The following ELAVL4 variants were observed in gnomAD, a reference collection of about 807,000 sequenced individuals.
The protein encoded by ELAVL4 is ELAV-like protein 4.
Under a neutral mutation model 35.6 loss-of-function variants are expected in ELAVL4, and 1 was observed. That is an observed-to-expected ratio of 0.03 (90% CI 0.01 to 0.13). The LOEUF is 0.13. Ranked by LOEUF, ELAVL4 falls within the 10% of genes least tolerant of loss-of-function variation. The pLI, the probability that ELAVL4 is intolerant of heterozygous loss-of-function variation, is 1.00. For synonymous variants in ELAVL4, 156 were observed against 171.0 expected (o/e 0.91, Z 0.69); for missense variants, 267 against 464.9 (o/e 0.57, Z 3.91).
At chr1:50,097,320 T>A (rs1370130968) in intron 1 of ELAVL4, among the ~76,000 whole-genome samples, 4 of 152,304 alleles carry the variant, frequency 2.6e-5, no homozygotes, top group Non-Finnish European at 5.9e-5. Context: ...AAAATCTTCT[T>A]CAAAAGCTTA....
intron 2 of ELAVL4, among the ~76,000 whole-genome samples, chr1:50,153,794 A>C (rs1420217138): frequency 6.6e-6 from 1 of 152,200 alleles, no homozygotes; most frequent in Non-Finnish European, 1.5e-5. Context: ...ATTAAGGTTA[A>C]ATGAGGCCAT....
chr1:50,116,079 CT>C (rs1462316335), intron 1 of ELAVL4, among the ~76,000 whole-genome samples: 4 of 152,064 alleles, frequency 2.6e-5, no homozygotes, highest in Non-Finnish European at 4.4e-5. Flanking sequence ...AATAAGAGAT[CT>C]TTTGGACATT....
intron 2 of ELAVL4, among the ~76,000 whole-genome samples, chr1:50,163,938 A>G (rs922031876): frequency 6.6e-6 from 1 of 152,214 alleles, no homozygotes; most frequent in African/African-American, 2.4e-5. Context: ...ACCAGGGCAC[A>G]GCAGAAAGTA....
chr1:50,113,403 C>A (rs1667413711), intron 1 of ELAVL4, among the ~76,000 whole-genome samples: 1 of 151,980 alleles, frequency 6.6e-6, no homozygotes, highest in African/African-American at 2.4e-5. Context: ...TCTGTATGTA[C>A]CTCAAGTAAG....
chr1:50,151,514 A>G (rs1191663009), intron 2 of ELAVL4, among the ~76,000 whole-genome samples: 1 of 152,176 alleles, frequency 6.6e-6, no homozygotes. Flanking sequence ...GCTGCCTACA[A>G]TTTAAGCATA....
intron 1 of ELAVL4, among the ~76,000 whole-genome samples, chr1:50,060,478 A>T (rs1663902467): frequency 6.6e-6 from 1 of 152,210 alleles, no homozygotes; most frequent in Admixed American, 6.5e-5. Context: ...CAGCTAAGTC[A>T]TAGAGAACTG....
At chr1:50,194,277 T>C (rs1320993116) in intron 4 of ELAVL4, among the ~76,000 whole-genome samples, 1 of 152,222 alleles carries the variant, frequency 6.6e-6, no homozygotes, top group Admixed American at 6.5e-5. Context: ...TATGCATAGC[T>C]GTAACTCCAA....
intron 1 of ELAVL4, among the ~76,000 whole-genome samples, chr1:50,124,654 A>G (rs1669586229): frequency 6.6e-6 from 1 of 152,034 alleles, no homozygotes; most frequent in Admixed American, 6.6e-5. Flanking sequence ...ATAGGGTCTC[A>G]CTCTGTCACC....
At chr1:50,178,488 G>A (rs1301693821) in intron 3 of ELAVL4, among the ~76,000 whole-genome samples, 3 of 152,188 alleles carry the variant, frequency 2.0e-5, no homozygotes, top group African/African-American at 7.2e-5. Flanking sequence ...CTTTACTTTT[G>A]CAATTGAGTT....
intron 2 of ELAVL4, among the ~76,000 whole-genome samples, chr1:50,164,986 CG>C (rs1343962400): frequency 6.6e-6 from 1 of 152,060 alleles, no homozygotes; most frequent in Non-Finnish European, 1.5e-5. Flanking sequence ...CCCAGTCTAG[CG>C]GGGAACAGAG....
rs1221981746 is a variant in ELAVL4, at chr1:50,178,540, A to G, written c.354+1348A>G. On this transcript the variant is annotated intron_variant, in intron 3 of 6. Transcript: ENST00000371824. ...ATGATTGCTTTCCCTGATCTCATAC[A>G]GCCTGATACACAAAGATCCCAAAAT... 3.9e-5 allele frequency among the ~76,000 whole-genome samples: 6 copies of G among 152,232 alleles called. No homozygotes were observed. The East Asian group carries it at 1.2e-3, about 29-fold the overall frequency.
At chr1:50,122,522 A>G (rs1669205747) in intron 1 of ELAVL4, among the ~76,000 whole-genome samples, 1 of 152,152 alleles carries the variant, frequency 6.6e-6, no homozygotes, top group South Asian at 2.1e-4. Flanking sequence ...TTAGCTGTAT[A>G]TGCCTAGTGG....
chr1:50,200,395 G>A (rs1476245236), intron 6 of ELAVL4, among the ~76,000 whole-genome samples: 1 of 151,890 alleles, frequency 6.6e-6, no homozygotes, highest in East Asian at 1.9e-4. Flanking sequence ...TTTTCTATGT[G>A]TCACTATATC....
chr1:50,164,343 C>T (rs953516598), intron 2 of ELAVL4, among the ~76,000 whole-genome samples: 4 of 152,280 alleles, frequency 2.6e-5, no homozygotes, highest in Non-Finnish European at 4.4e-5. Flanking sequence ...CTCGCTACCT[C>T]ACAAGGCAGC....
At chr1:50,200,806 C>A in intron 6 of ELAVL4, 45 bp from the exon 7 acceptor site, 2 of 1,591,988 alleles carry the variant, frequency 1.3e-6, no homozygotes, top group South Asian at 2.3e-5. Context: ...TATCCTTGGT[C>A]AGACTGATGT....
At chr1:50,196,760 C>G (rs1005862224) in intron 5 of ELAVL4, among the ~76,000 whole-genome samples, 1 of 152,150 alleles carries the variant, frequency 6.6e-6, no homozygotes, top group Non-Finnish European at 1.5e-5. Flanking sequence ...ATGTAAAAAG[C>G]CTCTCCAGCA....
chr1:50,130,223 T>C, intron 1 of ELAVL4, among the ~76,000 whole-genome samples: 1 of 152,190 alleles, frequency 6.6e-6, no homozygotes, highest in East Asian at 1.9e-4. Context: ...TTACATTCTC[T>C]AAGATTACTA....
intron 1 of ELAVL4, among the ~76,000 whole-genome samples, chr1:50,064,917 G>T (rs1664186531): frequency 2.0e-5 from 3 of 152,122 alleles, no homozygotes; most frequent in South Asian, 2.1e-4. Context: ...GGGAATATGG[G>T]TTTAACTGCT....
At chr1:50,198,404 G>A (rs1572636956) in intron 6 of ELAVL4, among the ~76,000 whole-genome samples, 1 of 152,160 alleles carries the variant, frequency 6.6e-6, no homozygotes, top group Non-Finnish European at 1.5e-5. Flanking sequence ...TCAAGGGAAA[G>A]AGATGTAGTC....
Sources: gnomAD v4.1 joint callset for allele counts (sites outside exome capture counted in the v4.1 genomes callset) on GRCh38, gnomAD v4.1.1 for gene constraint, MANE v1.5 for transcripts, NCBI Gene and HGNC (gene_info 2026-07-23, HGNC 2026-07-21) for gene names.